Variants in MARCHF10 observed in about 807,000 individuals in gnomAD.
MARCHF10 encodes the protein probable E3 ubiquitin-protein ligase MARCHF10.
In MARCHF10, 64 loss-of-function variants were observed where a neutral mutation model predicts 76.2. That is an observed-to-expected ratio of 0.84 (90% CI 0.69 to 1.03). MARCHF10 has a LOEUF of 1.03. MARCHF10 is among the 50% of genes least tolerant of loss of function. The pLI, the probability that MARCHF10 is intolerant of heterozygous loss-of-function variation, is 0.00. For synonymous variants in MARCHF10, 340 were observed against 357.5 expected (o/e 0.95, Z 0.55); for missense variants, 875 against 958.0 (o/e 0.91, Z 1.14).
In MARCHF10 at chr17:62,713,899, C is replaced by T. The variant is rs1005534624; in HGVS notation, c.2215-2555G>A. On this transcript the variant is annotated intron_variant, in intron 8 of 10. Coordinates refer to ENST00000311269, the MANE Select transcript of MARCHF10 (RefSeq NM_152598.4). ...CGCAAAAGGGCTCCGGAGATCTCAG[C>T]CCACCTGCCAGCTGTTTTCTCCATT... 5.9e-5 allele frequency among the ~76,000 whole-genome samples: 9 copies of T among 152,330 alleles called. No individual in the cohort carries two copies. The South Asian group carries it at 1.9e-3, about 32-fold the overall frequency.
rs144887128 is a variant in MARCHF10 at position 62,736,952 on chromosome 17, G to A, written c.916C>T (p.Arg306Cys). ...QSEECLWVGV[R>C]SPCSPSHHKR... is the part of the protein sequence containing the mutation. ...TGATGGGAAGGAGAACAGGGTGAGC[G>A]CACACCAACCCACAGACATTCTTCA... Residue 306 changes from arginine to cysteine, a missense_variant, in exon 6 of 11, where the codon CGC becomes TGC. By Grantham distance (180) the Arg-to-Cys change is radical. Coordinates refer to ENST00000311269, the MANE Select transcript of MARCHF10 (RefSeq NM_152598.4). 173 of 1,614,058 alleles carry A rather than the reference G, an allele frequency of 1.1e-4. 2 individuals carry two copies. The African/African-American group carries it at 1.3e-3, about 12-fold the overall frequency.
chr17:62,735,834 AT>A, intron 6 of MARCHF10, 96 bp downstream of exon 6: 3 of 1,165,614 alleles, frequency 2.6e-6, no homozygotes, highest in Non-Finnish European at 3.6e-6. Flanking sequence ...GGAAGGACCC[AT>A]TTATGACTTA....
At chr17:62,799,518 C>T (rs2093038615) in intron 2 of MARCHF10, among the ~76,000 whole-genome samples, 1 of 152,130 alleles carries the variant, frequency 6.6e-6, no homozygotes, top group Non-Finnish European at 1.5e-5. Context: ...GAGGCCGAGG[C>T]GGGCAGATCA....
chr17:62,775,130 TC>T (rs1376816262), intron 3 of MARCHF10, among the ~76,000 whole-genome samples: 1 of 78,956 alleles, frequency 1.3e-5, no homozygotes, highest in Non-Finnish European at 2.2e-5. Flanking sequence ...CCCCTGGCCT[TC>T]CTTTTTTTTT....
chr17:62,778,659 G>A (rs1372194784), intron 3 of MARCHF10, among the ~76,000 whole-genome samples: 2 of 148,530 alleles, frequency 1.3e-5, no homozygotes, highest in Non-Finnish European at 3.0e-5. Context: ...CTCCAGCCTG[G>A]GTGAGAGAAC....
chr17:62,796,629 T>A (rs572932074), intron 2 of MARCHF10, among the ~76,000 whole-genome samples: 4 of 152,170 alleles, frequency 2.6e-5, no homozygotes, highest in Non-Finnish European at 4.4e-5. Flanking sequence ...TGGTTCAACA[T>A]TGAAGAGGGA....
intron 3 of MARCHF10, among the ~76,000 whole-genome samples, chr17:62,760,514 T>C (rs1191019965): frequency 1.3e-4 from 20 of 152,186 alleles, no homozygotes; most frequent in Admixed American, 1.3e-3. Flanking sequence ...AGACTAATCT[T>C]TTAAAAAGTC....
chr17:62,712,146 A>G lies in MARCHF10; in HGVS notation c.2215-802T>C, dbSNP rs914103128. Among the ~76,000 whole-genome samples, 1 of 152,162 alleles carries G rather than the reference A, an allele frequency of 6.6e-6. No homozygotes were observed. The highest frequency in any genetic ancestry group is 1.5e-5 in the Non-Finnish European group (1 of 68,028). ...TAGTAACAACTACTCCTATCCCTCT[A>G]TAGGGGAAGGAGGGGAAGGCCCTTT... On this transcript the variant is annotated intron_variant, in intron 8 of 10. Coordinates refer to ENST00000311269, the MANE Select transcript of MARCHF10 (RefSeq NM_152598.4). The surrounding 1 kb of genome is among the most constrained non-coding windows in gnomAD (Gnocchi z 4.2).
At chr17:62,748,875 G>A (rs1048056868) in intron 4 of MARCHF10, among the ~76,000 whole-genome samples, 1 of 152,160 alleles carries the variant, frequency 6.6e-6, no homozygotes, top group Non-Finnish European at 1.5e-5. Flanking sequence ...TAATCTGCAG[G>A]AAGACCAAGT....
chr17:62,775,831 T>C (rs977489012), intron 3 of MARCHF10, among the ~76,000 whole-genome samples: 1 of 152,010 alleles, frequency 6.6e-6, no homozygotes, highest in African/African-American at 2.4e-5. Flanking sequence ...TATTTATTTA[T>C]TTAGAGACAG....
At chr17:62,783,254 T>C (rs1456147102) in intron 3 of MARCHF10, among the ~76,000 whole-genome samples, 1 of 149,576 alleles carries the variant, frequency 6.7e-6, no homozygotes, top group Non-Finnish European at 1.5e-5. Flanking sequence ...AAAAATGTTG[T>C]ATTGGCTGCT....
rs189950406 is a variant in MARCHF10, at chr17:62,759,795, G to A, written c.382+40C>T. ...CTGTTGTTGTTATTTTTAATACCGG[G>A]ATTTTAGATCTGATGAATTTCAATA... On this transcript the variant is annotated intron_variant, in intron 4 of 10. Coordinates refer to ENST00000311269, the MANE Select transcript of MARCHF10 (RefSeq NM_152598.4). 48 of 1,595,328 alleles carry A rather than the reference G, an allele frequency of 3.0e-5. 1 individual carries two copies. In the East Asian group the frequency reaches 1.1e-3, roughly 35 times the overall value.
At chr17:62,791,842 G>A (rs954569069) in intron 2 of MARCHF10, among the ~76,000 whole-genome samples, 14 of 152,058 alleles carry the variant, frequency 9.2e-5, no homozygotes, top group Admixed American at 6.6e-5. Context: ...CGGGGCGGGT[G>A]GGGGGAGCCT....
chr17:62,705,996 A>G (rs866757078), intron 9 of MARCHF10, among the ~76,000 whole-genome samples: 2 of 152,246 alleles, frequency 1.3e-5, no homozygotes, highest in South Asian at 4.1e-4. Flanking sequence ...AGGAAGCAGC[A>G]GACCCATCAA....
Position 62,711,438 on chromosome 17 carries a change from A to T in MARCHF10, c.2215-94T>A. 8.4e-7 allele frequency: 1 copy of T among 1,187,048 alleles called. No individual in the cohort carries two copies. Among genetic ancestry groups the T allele is most frequent in the African/African-American group, 1.5e-5 (1 of 66,168 alleles). The allele number at this position is 1,187,048 out of a possible 1,614,324, so 73.5% of individuals were successfully genotyped here. ...GGTAACAAGGCTAAGAGGTGACAAG[A>T]ACTGGGAGAAGAGCCCAAGCTCCAA... On this transcript the variant is annotated intron_variant, in intron 8 of 10. Transcript: ENST00000311269. This position sits in a 1 kb window ranked among gnomAD's most constrained non-coding sequence, Gnocchi z 4.4.
At chr17:62,790,506 T>G (rs558853528) in intron 2 of MARCHF10, among the ~76,000 whole-genome samples, 2 of 152,330 alleles carry the variant, frequency 1.3e-5, no homozygotes, top group East Asian at 3.9e-4. Context: ...GTTTCTATAC[T>G]TGCAGATCCA....
At chr17:62,747,254 A>AT (rs1036975452) in intron 4 of MARCHF10, among the ~76,000 whole-genome samples, 6 of 152,274 alleles carry the variant, frequency 3.9e-5, no homozygotes, top group East Asian at 1.9e-4. Flanking sequence ...ACTAGAACAC[A>AT]TTTTTTTGTT....
intron 6 of MARCHF10, 71 bp from the exon 7 acceptor site, chr17:62,725,175 G>T: frequency 1.4e-6 from 2 of 1,414,672 alleles, no homozygotes; most frequent in South Asian, 3.0e-5. Flanking sequence ...CCAGTTCCCA[G>T]AGCATTGACA....
intron 10 of MARCHF10, among the ~76,000 whole-genome samples, chr17:62,704,614 C>G (rs1257519675): frequency 6.6e-6 from 1 of 152,256 alleles, no homozygotes; most frequent in Non-Finnish European, 1.5e-5. Context: ...AAAGCACCCC[C>G]GCAGTCGGCT....
Sources: gnomAD v4.1 joint callset for allele counts (sites outside exome capture counted in the v4.1 genomes callset) on GRCh38, gnomAD v4.1.1 for gene constraint, Gnocchi (gnomAD v3.1) non-coding constraint, MANE v1.5 for transcripts, NCBI Gene and HGNC (gene_info 2026-07-23, HGNC 2026-07-21) for gene names.